Variants in SQOR observed in about 807,000 individuals in gnomAD.
The protein encoded by SQOR is sulfide quinone oxidoreductase.
A neutral mutation model predicts 48.6 loss-of-function variants in SQOR; 39 were observed. The ratio of observed to expected loss-of-function variants is 0.80; its 90% CI spans 0.62 to 1.05. SQOR has a LOEUF of 1.05. Ranked by LOEUF, SQOR falls within the 50% of genes least tolerant of loss-of-function variation. SQOR has a pLI of 0.00. For synonymous variants in SQOR, 220 were observed against 206.2 expected (o/e 1.07, Z -0.57); for missense variants, 561 against 559.9 (o/e 1.00, Z -0.02).
At chr15:45,687,064 T>G (rs1890238450) in intron 7 of SQOR, among the ~76,000 whole-genome samples, 1 of 152,182 alleles carries the variant, frequency 6.6e-6, no homozygotes, top group Non-Finnish European at 1.5e-5. Flanking sequence ...TCCCCCAAAG[T>G]GCTGAGATTA....
At chr15:45,675,847 C>T (rs1038041794) in intron 5 of SQOR, among the ~76,000 whole-genome samples, 3 of 152,124 alleles carry the variant, frequency 2.0e-5, no homozygotes, top group East Asian at 1.9e-4. Context: ...TTGACCTGGA[C>T]CTAACCTTCA....
In SQOR at chr15:45,638,742, G is replaced by GA. The variant is rs75475383; in HGVS notation, c.-18+3646dup. Among the ~76,000 whole-genome samples, 473 of 131,436 alleles carry GA rather than the reference G, an allele frequency of 3.6e-3. 1 individual carries two copies. The highest frequency in any genetic ancestry group is 9.2e-3 in the South Asian group (38 of 4,150). 86.2% of individuals were successfully genotyped at this position (131,436 alleles called of 152,430 possible). On this transcript the variant is annotated intron_variant, in intron 1 of 9. Coordinates refer to ENST00000260324, the MANE Select transcript of SQOR (RefSeq NM_021199.4). ...ACTCTGTCTCAAAAAAAGAAAGAAA[G>GA]AAAAAAAAAAAAGGAAAATTAAGTT... is the stretch of plus-strand genomic sequence containing the variant.
At chr15:45,685,917 C>T (rs1890214963) in intron 7 of SQOR, among the ~76,000 whole-genome samples, 1 of 152,090 alleles carries the variant, frequency 6.6e-6, no homozygotes, top group Non-Finnish European at 1.5e-5. Flanking sequence ...CGGCTCGCTG[C>T]AGACTTGACC....
chr15:45,689,863 TCATGCTATTAGCATGA>T (rs1270944280), intron 9 of SQOR, among the ~76,000 whole-genome samples: 1 of 152,142 alleles, frequency 6.6e-6, no homozygotes, highest in African/African-American at 2.4e-5. Flanking sequence ...ATTAGCAGTG[TCATGCTATTAGCATGA>T]CATACATAGC....
Position 45,682,497 on chromosome 15 carries a change from C to T in SQOR, c.884C>T (p.Thr295Ile), listed in dbSNP as rs552627749. 46 of 1,614,146 alleles carry T rather than the reference C, an allele frequency of 2.8e-5. 1 individual carries two copies. In the South Asian group the frequency reaches 4.4e-4, roughly 15 times the overall value. Residue 295 changes from threonine (T) to isoleucine (I), a missense_variant, in exon 7 of 10, where the codon ACA becomes ATA. Coordinates refer to ENST00000260324, the MANE Select transcript of SQOR (RefSeq NM_021199.4). ...QVISYEMLHV[T>I]PPMSPPDVLK... ...GTGTAGTATGAAATGCTTCATGTCA[C>T]ACCTCCAATGAGCCCACCAGATGTC...
Position 45,691,002 on chromosome 15 carries a change from G to A in SQOR, c.1325G>A (p.Arg442His), listed in dbSNP as rs138050047. Reference protein sequence around the residue: ...RGYWGGPAFLRKLFHLGMS With the variant: ...RGYWGGPAFLHKLFHLGMS ...TACTGGGGAGGACCAGCGTTTCTGC[G>A]CAAGTTGTTTCATCTAGGTATGAGT... Residue 442 changes from arginine (R) to histidine (H), a missense_variant, in exon 10 of 10, where the codon CGC becomes CAC. By Grantham distance (29) the Arg-to-His change is conservative (BLOSUM62 0). Transcript: ENST00000260324. 7.1e-4 allele frequency: 1,143 copies of A among 1,614,130 alleles called. 6 individuals are homozygous for A. In the African/African-American group the frequency reaches 0.013, roughly 18 times the overall value.
intron 4 of SQOR, among the ~76,000 whole-genome samples, chr15:45,672,699 C>A (rs374899583): frequency 5.3e-5 from 8 of 152,200 alleles, no homozygotes; most frequent in African/African-American, 1.9e-4. Context: ...TCATTGCACT[C>A]TACGAGCCTT....
chr15:45,679,202 T>C (rs1566922756), intron 6 of SQOR, among the ~76,000 whole-genome samples: 1 of 152,244 alleles, frequency 6.6e-6, no homozygotes, highest in Non-Finnish European at 1.5e-5. Context: ...AGTTCCACTC[T>C]TAAAATCTGA....
intron 1 of SQOR, among the ~76,000 whole-genome samples, chr15:45,648,699 T>G (rs954420342): frequency 2.0e-5 from 3 of 152,196 alleles, no homozygotes; most frequent in Non-Finnish European, 4.4e-5. Flanking sequence ...GTGTACACAG[T>G]GCTCATTCGT....
At chr15:45,688,515 CTT>C (rs377607911) in intron 8 of SQOR, 111 bp downstream of exon 8, 10,017 of 597,582 alleles carry the variant, frequency 0.017, no homozygotes, top group South Asian at 0.026. Context: ...TTCTGTTTTT[CTT>C]TTTTTTTTTT....
At chr15:45,650,125 G>A (rs1207790682) in intron 1 of SQOR, among the ~76,000 whole-genome samples, 11 of 152,152 alleles carry the variant, frequency 7.2e-5, no homozygotes, top group African/African-American at 2.4e-4. Context: ...TTACAGGCAC[G>A]AGCCACTGTG....
chr15:45,651,448 C>A (rs1291426338), intron 1 of SQOR, among the ~76,000 whole-genome samples: 1 of 152,208 alleles, frequency 6.6e-6, no homozygotes, highest in Non-Finnish European at 1.5e-5. Context: ...CATAGAGGGG[C>A]CCCCACAGCG....
chr15:45,676,064 C>A, intron 5 of SQOR, 37 bp from the exon 6 acceptor site: 2 of 1,555,466 alleles, frequency 1.3e-6, no homozygotes, highest in South Asian at 2.4e-5. Flanking sequence ...CAGCTGCAGT[C>A]ATGCTTTGGT....
intron 2 of SQOR, among the ~76,000 whole-genome samples, chr15:45,661,186 G>T (rs538797398): frequency 4.9e-4 from 74 of 150,396 alleles, no homozygotes; most frequent in African/African-American, 1.7e-3. Flanking sequence ...GGAGGCTGAG[G>T]CAGAAGAATC....
intron 1 of SQOR, among the ~76,000 whole-genome samples, chr15:45,652,739 A>G (rs572261199): frequency 7.4e-6 from 1 of 135,780 alleles, no homozygotes; most frequent in East Asian, 2.5e-4. Context: ...TGGGAGGCCG[A>G]GGCAGGTGGA....
intron 1 of SQOR, among the ~76,000 whole-genome samples, chr15:45,651,510 C>T (rs752044692): frequency 5.9e-5 from 9 of 152,234 alleles, no homozygotes; most frequent in East Asian, 1.9e-4. Flanking sequence ...ATGCCAAGTC[C>T]GAGGAGGTGC....
intron 2 of SQOR, among the ~76,000 whole-genome samples, chr15:45,659,838 T>C (rs1343027832): frequency 1.3e-5 from 2 of 152,192 alleles, no homozygotes; most frequent in Non-Finnish European, 2.9e-5. Flanking sequence ...AACATCCTTC[T>C]TTGAGAGAGA....
At chr15:45,655,490 T>C (rs1360838378) in intron 1 of SQOR, among the ~76,000 whole-genome samples, 1 of 152,174 alleles carries the variant, frequency 6.6e-6, no homozygotes, top group Non-Finnish European at 1.5e-5. Flanking sequence ...TTTCTTCTTC[T>C]CTTCAATCTA....
At chr15:45,657,096 C>A (rs1057030162) in intron 1 of SQOR, among the ~76,000 whole-genome samples, 2 of 83,714 alleles carry the variant, frequency 2.4e-5, no homozygotes, top group Non-Finnish European at 5.2e-5. Flanking sequence ...GTGTGAACCA[C>A]CACGCCTGGT....
Sources: allele counts gnomAD v4.1 joint callset (sites outside exome capture counted in the v4.1 genomes callset), GRCh38; gene constraint gnomAD v4.1.1; transcripts MANE v1.5; gene names NCBI Gene and HGNC (gene_info 2026-07-23, HGNC 2026-07-21).